DRC7: variants seen among roughly 807,000 people sequenced by gnomAD.
The protein encoded by DRC7 is coiled-coil domain containing 135.
DRC7 carries 80 observed loss-of-function variants against 104.4 expected under a neutral mutation model. The ratio of observed to expected loss-of-function variants is 0.77; its 90% CI spans 0.64 to 0.92. DRC7 has a LOEUF of 0.92. Among genes scored for constraint, DRC7 ranks in the 40% least tolerant of loss-of-function variants. The pLI is 0.00. For synonymous variants in DRC7, 405 were observed against 447.3 expected, an observed-to-expected ratio of 0.91 and a Z score of 1.19; for missense variants, 1,034 against 1,141.1, an observed-to-expected ratio of 0.91 and a Z score of 1.35.
At chr16:57,698,551 A>G (rs1421683679) in intron 3 of DRC7, among the ~76,000 whole-genome samples, 1 of 152,022 alleles carries the variant, frequency 6.6e-6, no homozygotes, top group Non-Finnish European at 1.5e-5. Context: ...AAAATTAGCC[A>G]GGTGTGGTGG....
At chr16:57,724,082 G>C (rs2048936210) in intron 12 of DRC7, among the ~76,000 whole-genome samples, 2 of 151,904 alleles carry the variant, frequency 1.3e-5, no homozygotes, top group Admixed American at 1.3e-4. Context: ...CAGCACTTTG[G>C]GTGGATCACC....
chr16:57,717,691 T>G (rs1345540663), intron 8 of DRC7, among the ~76,000 whole-genome samples: 10 of 150,878 alleles, frequency 6.6e-5, no homozygotes, highest in Admixed American at 6.6e-4. Flanking sequence ...AGAGTGAGAC[T>G]CTGTCTCAAA....
chr16:57,729,783 T>G (rs1597816445), intron 17 of DRC7, among the ~76,000 whole-genome samples: 1 of 99,974 alleles, frequency 1.0e-5, no homozygotes, highest in Non-Finnish European at 2.0e-5. Flanking sequence ...GGTGGGTGGG[T>G]GGATGGGTGG....
At chr16:57,729,777 G>C in intron 17 of DRC7, among the ~76,000 whole-genome samples, 1 of 140,472 alleles carries the variant, frequency 7.1e-6, no homozygotes, top group East Asian at 2.2e-4. Context: ...TGAGTGGGTG[G>C]GTGGGTGGAT....
chr16:57,726,308 A>G (rs1415835644), intron 14 of DRC7, 25 bp downstream of exon 14: 27 of 1,595,606 alleles, frequency 1.7e-5, no homozygotes, highest in Non-Finnish European at 2.1e-5. Flanking sequence ...CACGGCGGGC[A>G]GGGGTCGGCT....
At chr16:57,713,126 A>G (rs2048806036) in intron 8 of DRC7, among the ~76,000 whole-genome samples, 1 of 152,176 alleles carries the variant, frequency 6.6e-6, no homozygotes, top group South Asian at 2.1e-4. Flanking sequence ...TGTTTTATGG[A>G]CCATAATATG....
chr16:57,726,999 T>C, intron 15 of DRC7, 57 bp downstream of exon 15: 1 of 1,089,740 alleles, frequency 9.2e-7, no homozygotes. Flanking sequence ...TGAGATAGGG[T>C]CTCGCTCTAT....
At position 57,705,012 on chromosome 16, in the gene DRC7, G is replaced by GGGA. The variant is rs1243229047; in HGVS notation, c.847_849dup (p.Glu283dup). ...AGAGCCCAGGAGAAGAAGCGGCTGA[G>GGGA]GGAGGAGGAGGAGCGCCTCATGGTG... is the stretch of plus-strand genomic sequence containing the variant. On this transcript the variant is annotated inframe_insertion, in exon 7 of 19. Transcript: ENST00000360716. 1 of 1,612,630 alleles carries GGGA rather than the reference G, an allele frequency of 6.2e-7. No homozygotes were observed. Among genetic ancestry groups the GGGA allele is most frequent in the Non-Finnish European group, 8.5e-7 (1 of 1,179,868 alleles).
intron 8 of DRC7, among the ~76,000 whole-genome samples, chr16:57,712,808 C>T (rs887268985): frequency 2.6e-5 from 4 of 152,154 alleles, no homozygotes; most frequent in African/African-American, 9.7e-5. Flanking sequence ...GCTGAGATTA[C>T]AGGCATGCAC....
chr16:57,721,605 C>T, intron 9 of DRC7, 62 bp from the exon 10 acceptor site: 1 of 1,324,202 alleles, frequency 7.6e-7, no homozygotes, highest in South Asian at 1.2e-5. Flanking sequence ...GAGCTTTGAC[C>T]ATAACTTCTG....
At chr16:57,704,486 AC>A in intron 6 of DRC7, among the ~76,000 whole-genome samples, 1 of 151,942 alleles carries the variant, frequency 6.6e-6, no homozygotes, top group Middle Eastern at 3.4e-3. Context: ...GAAAAATCCA[AC>A]TCCTGACAAT....
At chr16:57,729,621 G>A in intron 17 of DRC7, among the ~76,000 whole-genome samples, 1 of 98,910 alleles carries the variant, frequency 1.0e-5, no homozygotes, top group Admixed American at 9.4e-5. Flanking sequence ...TGAGTGGGTG[G>A]GTGGATGGAT....
intron 17 of DRC7, 96 bp from the exon 18 acceptor site, chr16:57,730,835 C>A (rs781205636): frequency 2.9e-6 from 4 of 1,371,018 alleles, no homozygotes; most frequent in Non-Finnish European, 4.0e-6. Flanking sequence ...GGCCAACCGT[C>A]ATGGTGCTGT....
chr16:57,698,198 G>T (rs1255424762), intron 3 of DRC7, 46 bp downstream of exon 3: 1 of 1,611,604 alleles, frequency 6.2e-7, no homozygotes, highest in Non-Finnish European at 8.5e-7. Flanking sequence ...GACCGGGGCT[G>T]GGCACAGGGA....
At chr16:57,709,128 C>CAA (rs10536559) in intron 8 of DRC7, among the ~76,000 whole-genome samples, 1 of 107,624 alleles carries the variant, frequency 9.3e-6, no homozygotes, top group Non-Finnish European at 2.1e-5. Flanking sequence ...GACTCTGTCT[C>CAA]AAAAAAAAAA....
chr16:57,698,831 C>T lies in DRC7; in HGVS notation c.204-19C>T, dbSNP rs1352497099. 6.2e-7 allele frequency: 1 copy of T among 1,610,966 alleles called. No homozygotes were observed. The highest frequency in any genetic ancestry group is 1.7e-5 in the Admixed American group (1 of 59,898). ...GTGCCAGGCATGGCTTCCCTAATGC[C>T]ATCCCTGTTGTGGCACAGGGCCTTT... is the stretch of plus-strand genomic sequence containing the variant. On this transcript the variant is annotated intron_variant, in intron 3 of 18. Coordinates refer to ENST00000360716, the MANE Select transcript of DRC7 (RefSeq NM_001289162.2).
At position 57,697,922 on chromosome 16, in the gene DRC7, A is replaced by G. The variant is rs373197469; in HGVS notation, c.-28A>G. ...TTACCCTTCCCCACAGAGACATTCC[A>G]TCTCCAGACACCCAGAGACGCTCCA... On this transcript the variant is annotated 5_prime_UTR_variant, in exon 3 of 19. Transcript: ENST00000360716. 49 of 1,604,488 alleles carry G rather than the reference A, an allele frequency of 3.1e-5. No individual in the cohort carries two copies. The South Asian group carries it at 4.0e-4, about 13-fold the overall frequency.
At chr16:57,724,154 AC>A (rs1311576197) in intron 12 of DRC7, among the ~76,000 whole-genome samples, 1 of 152,052 alleles carries the variant, frequency 6.6e-6, no homozygotes, top group Non-Finnish European at 1.5e-5. Context: ...TACTAAAAAT[AC>A]AAAAATTAGC....
At chr16:57,721,633 G>A in intron 9 of DRC7, 34 bp from the exon 10 acceptor site, 2 of 1,554,334 alleles carry the variant, frequency 1.3e-6, no homozygotes, top group African/African-American at 2.7e-5. Flanking sequence ...ACCCTGACCA[G>A]CACCACCTCC....
Sources: gnomAD v4.1 joint callset for allele counts (sites outside exome capture counted in the v4.1 genomes callset) on GRCh38, gnomAD v4.1.1 for gene constraint, MANE v1.5 for transcripts, NCBI Gene and HGNC (gene_info 2026-07-23, HGNC 2026-07-21) for gene names.